The following MSH6 variants were observed in gnomAD, a reference collection of about 807,000 sequenced individuals.
MSH6 encodes DNA mismatch repair protein Msh6.
In MSH6, 85 loss-of-function variants were observed where a neutral mutation model predicts 119.1. The ratio of observed to expected loss-of-function variants is 0.71; its 90% CI spans 0.60 to 0.85. The LOEUF (loss-of-function observed/expected upper bound fraction) is 0.85, where lower values mean the gene tolerates loss of function less well. Among genes scored for constraint, MSH6 ranks in the 40% least tolerant of loss-of-function variants. The pLI, the probability that MSH6 is intolerant of heterozygous loss-of-function variation, is 0.00. For missense variants in MSH6, 2,163 were observed against 1,655.3 expected (o/e 1.31, Z -5.32); for synonymous variants, 830 against 586.9 (o/e 1.41, Z -5.99).
In MSH6 at chr2:47,783,436, A is replaced by T. The variant is rs863224620; in HGVS notation, c.203A>T (p.Lys68Met). 6.7e-7 allele frequency: 1 copy of T among 1,501,554 alleles called. No homozygotes were observed. The highest frequency in any genetic ancestry group is 8.9e-7 in the Non-Finnish European group (1 of 1,127,798). The allele number at this position is 1,501,554 out of a possible 1,614,324, so 93.0% of individuals were successfully genotyped here. Reference sequence around the variant, plus strand: ...TTGGCGCGCTCCGCGTCACCGCCCAAGGCGAAGAACCTCAACGGAGGGCTG... The same window carrying T: ...TTGGCGCGCTCCGCGTCACCGCCCATGGCGAAGAACCTCAACGGAGGGCTG... The part of the protein sequence containing the change: ...RPLARSASPP[K>M]AKNLNGGLRR... Residue 68 changes from lysine (K) to methionine (M), a missense_variant, in exon 1 of 10, where the codon AAG (lysine) becomes ATG (methionine). By Grantham distance (95) the Lys-to-Met change is moderately conservative. Coordinates refer to ENST00000234420, the MANE Select transcript of MSH6 (RefSeq NM_000179.3).
In MSH6 at chr2:47,806,887, G is replaced by GA. The variant is rs1670235983; in HGVS notation, c.*28dup. On this transcript the variant is annotated 3_prime_UTR_variant, in exon 10 of 10. Coordinates refer to ENST00000234420, the MANE Select transcript of MSH6 (RefSeq NM_000179.3). Reference sequence around the variant, plus strand: ...CTGACTACATTGGAAGCTTTGAGTTGACTTCTGACAAAGGTGGTAAATTCA... The same window carrying GA: ...CTGACTACATTGGAAGCTTTGAGTTGAACTTCTGACAAAGGTGGTAAATTCA... 8.5e-6 allele frequency: 13 copies of GA among 1,522,380 alleles called. No individual in the cohort carries two copies. The highest frequency in any genetic ancestry group is 1.4e-5 in the African/African-American group (1 of 72,886). 94.3% of individuals were successfully genotyped at this position (1,522,380 alleles called of 1,614,324 possible).
At position 47,800,824 on chromosome 2, in the gene MSH6, T is replaced by C. The variant is rs1057522717; in HGVS notation, c.2841T>C (p.Asn947=). The change falls in exon 4 of 10, where the codon AAT becomes AAC. Residue 947 remains asparagine (N), a synonymous_variant. Coordinates refer to ENST00000234420, the MANE Select transcript of MSH6 (RefSeq NM_000179.3). ...AAGCTCTTGCTGACATAAGAGAAAATGAACAGAGCCTCCTGGAATACCTAG... is the reference window on the plus strand; with the variant it reads ...AAGCTCTTGCTGACATAAGAGAAAACGAACAGAGCCTCCTGGAATACCTAG... ...YDQALADIRE[N]EQSLLEYLEK... is the part of the protein sequence containing the mutation. 6.2e-7 allele frequency: 1 copy of C among 1,613,970 alleles called. No individual in the cohort carries two copies. Among genetic ancestry groups the C allele is most frequent in the Non-Finnish European group, 8.5e-7 (1 of 1,179,998 alleles).
At chr2:47,806,996 TCTTA>T, downstream of MSH6, 3 of 718,262 alleles carry the variant, frequency 4.2e-6, no homozygotes, top group Non-Finnish European at 7.3e-6. Context: ...CCCTTTTAAT[TCTTA>T]TCTACCTTCT....
chr2:47,793,275 C>G (rs2104164321), intron 2 of MSH6, among the ~76,000 whole-genome samples: 1 of 127,554 alleles, frequency 7.8e-6, no homozygotes, highest in South Asian at 2.6e-4. Context: ...GAGTCAAGAT[C>G]ATGCCACCGC....
chr2:47,795,508 C>G (rs1052526440), intron 2 of MSH6, among the ~76,000 whole-genome samples: 1 of 150,682 alleles, frequency 6.6e-6, no homozygotes, highest in Non-Finnish European at 1.5e-5. Flanking sequence ...CACTGTCGCC[C>G]AGGCTGGAGT....
chr2:47,808,918 A>G, downstream of MSH6: 1 of 371,222 alleles, frequency 2.7e-6, no homozygotes, highest in Non-Finnish European at 4.8e-6. Flanking sequence ...GCTGGTTTAG[A>G]ACTCCTGGGC....
rs147456400 is a variant in MSH6, at chr2:47,801,963, T to C, written c.3172+808T>C. ...CCGGCCCAAAAGATTTTTAAATGTG[T>C]TATACTTCATGAGACAGGCTTTATT... On this transcript the variant is annotated intron_variant, in intron 4 of 9. Transcript: ENST00000234420. 1.4e-4 allele frequency among the ~76,000 whole-genome samples: 21 copies of C among 152,310 alleles called. 1 individual carries two copies. Among genetic ancestry groups the C allele is most frequent in the African/African-American group, 4.8e-4 (20 of 41,566 alleles).
In MSH6 at chr2:47,805,064, TCATTTAGATGTGATAAA is replaced by T. The variant is rs756421363; in HGVS notation, c.3556+38_3556+54del. 34 of 1,332,030 alleles carry T rather than the reference TCATTTAGATGTGATAAA, an allele frequency of 2.6e-5. No homozygotes were observed. The African/African-American group carries it at 2.7e-4, about 11-fold the overall frequency. The allele number at this position is 1,332,030 out of a possible 1,614,324, so 82.5% of individuals were successfully genotyped here. A position where few individuals can be genotyped will look rare whatever the true frequency, so the allele number is the denominator to read the frequency against. ...GTTTCCCACTTAAGTTCTCATTCAG[TCATTTAGATGTGATAAA>T]AGATATTTGCTTCTTGTATATGAGC... On this transcript the variant is annotated intron_variant, in intron 6 of 9. Coordinates refer to ENST00000234420, the MANE Select transcript of MSH6 (RefSeq NM_000179.3).
intron 1 of MSH6, among the ~76,000 whole-genome samples, chr2:47,788,570 CTTTT>C (rs531963943): frequency 9.5e-6 from 1 of 104,868 alleles, no homozygotes; most frequent in Non-Finnish European, 1.9e-5. Flanking sequence ...TTTTCTTTTT[CTTTT>C]TTTTTTTTTT....
At position 47,806,811 on chromosome 2, in the gene MSH6, T is replaced by C; in HGVS notation, c.4034T>C (p.Val1345Ala). ...EVCLASERST[V>A]DAEAVHKLLT... ...TGCCTGGCTAGTGAAAGGTCAACTG[T>C]AGATGCTGAAGCTGTCCATAAATTG... is the stretch of plus-strand genomic sequence containing the variant. The change falls in exon 10 of 10, where the codon GTA becomes GCA. Residue 1345 changes from valine (V) to alanine (A), a missense_variant. Physicochemically the swap from Val to Ala is moderately conservative, Grantham distance 64. Coordinates refer to ENST00000234420, the MANE Select transcript of MSH6 (RefSeq NM_000179.3). 1 of 1,611,568 alleles carries C rather than the reference T, an allele frequency of 6.2e-7. No individual in the cohort carries two copies. The highest frequency in any genetic ancestry group is 8.5e-7 in the Non-Finnish European group (1 of 1,179,038).
In MSH6 at chr2:47,790,978, C is replaced by T. The variant is rs1558651946; in HGVS notation, c.312C>T (p.Pro104=). Residue 104 remains proline, a synonymous_variant, in exon 2 of 10, where the codon CCC becomes CCT. Transcript: ENST00000234420. The part of the protein sequence containing the change: ...DLVWAKMEGY[P]WWPCLVYNHP... ...TTTGGGCCAAGATGGAGGGTTACCC[C>T]TGGTGGCCTTGTCTGGTTTACAACC... 6.2e-7 allele frequency: 1 copy of T among 1,614,226 alleles called. No homozygotes were observed. The highest frequency in any genetic ancestry group is 8.5e-7 in the Non-Finnish European group (1 of 1,180,054).
At position 47,806,920 on chromosome 2, in the gene MSH6, TTATGATCTAA is replaced by T; in HGVS notation, c.*63_*72del. On this transcript the variant is annotated 3_prime_UTR_variant, in exon 10 of 10. Transcript: ENST00000234420. ...ACAAAGGTGGTAAATTCAGACAACATTATGATCTAATAAACTTTATTTTTTAAAAATGACC... is the reference window on the plus strand; with the variant it reads ...ACAAAGGTGGTAAATTCAGACAACATTAAACTTTATTTTTTAAAAATGACC... The T allele has an allele frequency of 1.6e-6, 2 of 1,216,068 alleles. No homozygotes were observed. Among genetic ancestry groups the T allele is most frequent in the East Asian group, 2.3e-5 (1 of 42,986 alleles). 75.3% of individuals were successfully genotyped at this position (1,216,068 alleles called of 1,614,324 possible). A position where few individuals can be genotyped will look rare whatever the true frequency, so the allele number is the denominator to read the frequency against.
intron 2 of MSH6, among the ~76,000 whole-genome samples, chr2:47,795,478 T>TTC (rs1669024710): frequency 1.3e-5 from 2 of 150,056 alleles, no homozygotes; most frequent in Non-Finnish European, 3.0e-5. Flanking sequence ...TTTTTTTTTT[T>TTC]TCATCGAGAC....
chr2:47,806,175 A>G (rs762887834), intron 7 of MSH6, 29 bp from the exon 8 acceptor site: 1 of 1,608,320 alleles, frequency 6.2e-7, no homozygotes, highest in Non-Finnish European at 8.5e-7. Flanking sequence ...CCTTTGAGTT[A>G]CTTCCTTATG....
chr2:47,795,298 T>C (rs1423616465), intron 2 of MSH6, among the ~76,000 whole-genome samples: 2 of 152,130 alleles, frequency 1.3e-5, no homozygotes, highest in Non-Finnish European at 2.9e-5. Context: ...TTATTCCTTT[T>C]GTGCTTTATT....
intron 4 of MSH6, among the ~76,000 whole-genome samples, chr2:47,801,727 C>T (rs867484706): frequency 6.6e-6 from 1 of 152,110 alleles, no homozygotes; most frequent in East Asian, 1.9e-4. Flanking sequence ...GTGTCTTGCT[C>T]TGTTACCCAG....
downstream of MSH6, chr2:47,807,991 G>C: frequency 1.2e-6 from 1 of 836,272 alleles, no homozygotes; most frequent in South Asian, 1.7e-5. Flanking sequence ...AGTGTCAACT[G>C]ACCTTGTGTA....
Position 47,799,840 on chromosome 2 carries a change from A to C in MSH6, c.1857A>C (p.Glu619Asp), listed in dbSNP as rs63751121. 2.7e-5 allele frequency: 43 copies of C among 1,614,112 alleles called. No homozygotes were observed. Among genetic ancestry groups the C allele is most frequent in the Non-Finnish European group, 3.5e-5 (41 of 1,180,052 alleles). Residue 619 changes from glutamate (E) to aspartate (D), a missense_variant, in exon 4 of 10, where the codon GAA becomes GAC. Physicochemically the swap from Glu to Asp is conservative, Grantham distance 45. Transcript: ENST00000234420. ...LKSSLSCSLQ[E>D]GLIPGSQFWD... ...GTTCATTGTCCTGTTCTCTTCAGGA[A>C]GGTCTGATACCCGGCTCCCAGTTTT...
chr2:47,788,903 CTTCCTTTTTTTTTTTTTTGTTTTTT>C (rs1330564720), intron 1 of MSH6, among the ~76,000 whole-genome samples: 1 of 7,288 alleles, frequency 1.4e-4, no homozygotes, highest in East Asian at 3.7e-3. Context: ...TTTCTTTCTT[CTTCCTTTTTTTTTTTTTTGTTTTTT>C]TTTTTTTTTT....
Sources: allele counts gnomAD v4.1 joint callset (sites outside exome capture counted in the v4.1 genomes callset), GRCh38; gene constraint gnomAD v4.1.1; transcripts MANE v1.5; gene names NCBI Gene and HGNC (gene_info 2026-07-23, HGNC 2026-07-21).